Variants in MAPRE2 observed in about 807,000 individuals in gnomAD.
MAPRE2 encodes microtubule associated protein RP/EB family member 2.
MAPRE2 carries 13 observed loss-of-function variants against 43.2 expected under a neutral mutation model. That is an observed-to-expected ratio of 0.30 (90% CI 0.20 to 0.48). MAPRE2 has a LOEUF of 0.48. Among genes scored for constraint, MAPRE2 ranks in the 20% least tolerant of loss-of-function variants. The pLI is 0.99. For missense variants in MAPRE2, 161 were observed against 400.2 expected (o/e 0.40, Z 5.10); for synonymous variants, 135 against 148.8 (o/e 0.91, Z 0.68).
chr18:35,005,435 T>A (rs1391243719), intron 1 of MAPRE2: 1 of 1,100,622 alleles, frequency 9.1e-7, no homozygotes, highest in Non-Finnish European at 1.3e-6. Context: ...TTTGCTTCCA[T>A]ATTTTCATCA....
intron 1 of MAPRE2, among the ~76,000 whole-genome samples, chr18:34,999,063 A>G (rs1428528211): frequency 6.6e-6 from 1 of 152,136 alleles, no homozygotes; most frequent in Non-Finnish European, 1.5e-5. Flanking sequence ...ACTATGACCC[A>G]AACACTAAAC....
At chr18:35,073,644 T>C (rs1384043547) in intron 2 of MAPRE2, among the ~76,000 whole-genome samples, 2 of 152,212 alleles carry the variant, frequency 1.3e-5, no homozygotes, top group Non-Finnish European at 2.9e-5. Context: ...TTTTTTCCTA[T>C]TGCATTATTT....
At chr18:35,014,245 C>T (rs539455353) in intron 2 of MAPRE2, among the ~76,000 whole-genome samples, 17 of 151,986 alleles carry the variant, frequency 1.1e-4, no homozygotes, top group East Asian at 3.9e-4. Flanking sequence ...TATAAGGACA[C>T]GGAAAAAGTA....
At chr18:35,103,490 T>C (rs1465380737) in intron 4 of MAPRE2, among the ~76,000 whole-genome samples, 1 of 152,090 alleles carries the variant, frequency 6.6e-6, no homozygotes, top group Non-Finnish European at 1.5e-5. Flanking sequence ...TTTGTGACAT[T>C]TAAGAGAAGA....
intron 1 of MAPRE2, among the ~76,000 whole-genome samples, chr18:34,982,212 A>G (rs1184450135): frequency 6.6e-6 from 1 of 152,080 alleles, no homozygotes; most frequent in Non-Finnish European, 1.5e-5. Context: ...TAACCTTTGG[A>G]ATTAACCAAC....
At chr18:35,101,400 A>G (rs1908672902) in intron 3 of MAPRE2, among the ~76,000 whole-genome samples, 2 of 152,212 alleles carry the variant, frequency 1.3e-5, no homozygotes, top group South Asian at 4.1e-4. Flanking sequence ...TTGAGTTACA[A>G]ACAATCCAAG....
chr18:35,068,110 A>C (rs1906925032), intron 1 of MAPRE2, among the ~76,000 whole-genome samples: 1 of 152,190 alleles, frequency 6.6e-6, no homozygotes, highest in Non-Finnish European at 1.5e-5. Flanking sequence ...AGCACTTTAA[A>C]GTAGAAAACA....
intron 2 of MAPRE2, among the ~76,000 whole-genome samples, chr18:35,029,794 A>G (rs1235605701): frequency 6.6e-6 from 1 of 152,244 alleles, no homozygotes; most frequent in Non-Finnish European, 1.5e-5. Flanking sequence ...TTAAGATGGA[A>G]ATAAAATAGA....
At chr18:35,030,302 C>T (rs1294537140) in intron 2 of MAPRE2, among the ~76,000 whole-genome samples, 1 of 152,156 alleles carries the variant, frequency 6.6e-6, no homozygotes, top group Non-Finnish European at 1.5e-5. Context: ...CACGGAAGTG[C>T]CGTTTTATGG....
At chr18:35,039,504 T>G (rs944296308), upstream of MAPRE2, among the ~76,000 whole-genome samples, 7 of 152,220 alleles carry the variant, frequency 4.6e-5, no homozygotes, top group African/African-American at 1.7e-4. Flanking sequence ...GACGAAGGAA[T>G]CAACTTGTGC....
chr18:35,109,400 A>G (rs1160747979), intron 4 of MAPRE2, among the ~76,000 whole-genome samples: 2 of 152,250 alleles, frequency 1.3e-5, no homozygotes, highest in Non-Finnish European at 2.9e-5. Flanking sequence ...TGATGCCTCC[A>G]GCATTGTTCT....
intron 4 of MAPRE2, among the ~76,000 whole-genome samples, chr18:35,104,745 T>A (rs1343957735): frequency 1.3e-5 from 2 of 152,074 alleles, no homozygotes; most frequent in African/African-American, 4.8e-5. Flanking sequence ...TGTCAGCAGT[T>A]TTCATCAGTC....
intron 2 of MAPRE2, among the ~76,000 whole-genome samples, chr18:35,093,974 CAA>C (rs1226948346): frequency 1.3e-5 from 2 of 152,082 alleles, no homozygotes; most frequent in African/African-American, 2.4e-5. Context: ...TGACCTTTCT[CAA>C]GACAAGAGTT....
chr18:35,063,166 C>T (rs554690618), intron 1 of MAPRE2, among the ~76,000 whole-genome samples: 9 of 151,970 alleles, frequency 5.9e-5, no homozygotes, highest in East Asian at 3.9e-4. Flanking sequence ...TGCAGTGGCG[C>T]GATCTCGGCT....
chr18:35,021,361 A>G (rs139018506), intron 2 of MAPRE2, among the ~76,000 whole-genome samples: 1 of 152,318 alleles, frequency 6.6e-6, no homozygotes, highest in East Asian at 1.9e-4. Context: ...CAAATCCATG[A>G]CACTTACAGA....
chr18:34,985,816 C>G (rs1603386380), intron 1 of MAPRE2, among the ~76,000 whole-genome samples: 1 of 140,536 alleles, frequency 7.1e-6, no homozygotes, highest in South Asian at 2.2e-4. Context: ...TAAGCTGTCT[C>G]TTTTAACCCC....
intron 1 of MAPRE2, among the ~76,000 whole-genome samples, chr18:34,996,378 C>T (rs985124259): frequency 1.3e-5 from 2 of 152,086 alleles, no homozygotes; most frequent in African/African-American, 4.8e-5. Flanking sequence ...CTCATGTGCA[C>T]GGTTCACAAT....
At chr18:35,099,482 G>T (rs1036766191) in intron 3 of MAPRE2, among the ~76,000 whole-genome samples, 1 of 152,128 alleles carries the variant, frequency 6.6e-6, no homozygotes, top group Non-Finnish European at 1.5e-5. Flanking sequence ...AGGTGCAGTG[G>T]CACATACGTG....
intron 1 of MAPRE2, among the ~76,000 whole-genome samples, chr18:35,069,535 T>C (rs537987480): frequency 1.5e-4 from 23 of 152,264 alleles, no homozygotes; most frequent in African/African-American, 5.5e-4. Context: ...AACAAGATGG[T>C]CAAGTATTGA....
Sources: gnomAD v4.1 joint callset for allele counts (sites outside exome capture counted in the v4.1 genomes callset) on GRCh38, gnomAD v4.1.1 for gene constraint, MANE v1.5 for transcripts, NCBI Gene and HGNC (gene_info 2026-07-23, HGNC 2026-07-21) for gene names.